ZNF395: variants seen among roughly 807,000 people sequenced by gnomAD.
ZNF395 encodes HD gene regulatory region-binding protein 2.
Under a neutral mutation model 57.7 loss-of-function variants are expected in ZNF395, and 20 were observed. That is an observed-to-expected ratio of 0.35 (90% CI 0.24 to 0.50). ZNF395 has a LOEUF of 0.50. Ranked by LOEUF, ZNF395 falls within the 20% of genes least tolerant of loss-of-function variation. The pLI is 0.97. For missense variants in ZNF395, 606 were observed against 671.2 expected, an observed-to-expected ratio of 0.90 and a Z score of 1.07; for synonymous variants, 295 against 275.9, an observed-to-expected ratio of 1.07 and a Z score of -0.69.
intron 7 of ZNF395, among the ~76,000 whole-genome samples, chr8:28,351,221 G>A (rs1801678087): frequency 3.9e-5 from 6 of 152,218 alleles, no homozygotes; most frequent in Admixed American, 3.9e-4. Flanking sequence ...AAGCAGAGGT[G>A]TGACAATTCC....
chr8:28,368,383 A>C (rs1264500104), intron 1 of ZNF395: 2 of 152,242 alleles, frequency 1.3e-5, no homozygotes, highest in Non-Finnish European at 2.9e-5. Flanking sequence ...CCAGCAACTC[A>C]ATAAAATATG....
Position 28,348,679 on chromosome 8 carries a change from G to A in ZNF395, c.*40C>T, listed in dbSNP as rs1801638211. On this transcript the variant is annotated 3_prime_UTR_variant, in exon 10 of 10. Coordinates refer to ENST00000344423, the MANE Select transcript of ZNF395 (RefSeq NM_018660.3). ...ACACACTGGCCTCTTGTCAGTGGCT[G>A]CCGGCAGGGCCAGGAACAGAGTAGA... The A allele has an allele frequency of 1.3e-6, 2 of 1,579,900 alleles. No individual in the cohort carries two copies. Among genetic ancestry groups the A allele is most frequent in the Admixed American group, 1.7e-5 (1 of 59,916 alleles).
intron 1 of ZNF395, among the ~76,000 whole-genome samples, chr8:28,363,256 C>G (rs1199394363): frequency 1.3e-5 from 2 of 152,014 alleles, no homozygotes; most frequent in Non-Finnish European, 2.9e-5. Flanking sequence ...CTCAGCCTCC[C>G]AAGTAGCTGG....
chr8:28,362,022 C>T (rs1252793168), intron 1 of ZNF395, among the ~76,000 whole-genome samples: 2 of 150,432 alleles, frequency 1.3e-5, no homozygotes, highest in African/African-American at 2.5e-5. Flanking sequence ...ACCCAGGAGG[C>T]GGGAGGCTGC....
intron 1 of ZNF395, among the ~76,000 whole-genome samples, chr8:28,376,761 G>C (rs898318069): frequency 2.0e-5 from 3 of 152,114 alleles, no homozygotes; most frequent in Non-Finnish European, 4.4e-5. Context: ...AGAGACAAAG[G>C]AGACTAAGGC....
intron 1 of ZNF395, among the ~76,000 whole-genome samples, chr8:28,365,969 G>GCA (rs142783327): frequency 6.6e-6 from 1 of 152,142 alleles, no homozygotes; most frequent in African/African-American, 2.4e-5. Context: ...TTGTGTGCGT[G>GCA]CACACACACA....
chr8:28,352,124 T>C lies in ZNF395; in HGVS notation c.921-317A>G, dbSNP rs1250414413. Among the ~76,000 whole-genome samples the C allele has an allele frequency of 1.3e-5, 2 of 152,160 alleles. No homozygotes were observed. The highest frequency in any genetic ancestry group is 2.9e-5 in the Non-Finnish European group (2 of 67,998). The stretch of plus-strand genomic sequence containing the variant: ...GGCCCCACCTGCCTGCAGTCACGCT[T>C]TCTCCCCCAGGGCCATGAGTCAGCT... On this transcript the variant is annotated intron_variant, in intron 6 of 9. Transcript: ENST00000344423. This position sits in a 1 kb window ranked among gnomAD's most constrained non-coding sequence, Gnocchi z 4.0.
rs148606352 is a variant in ZNF395, at chr8:28,353,399, G to A, written c.593C>T (p.Ala198Val). ...GTEANFSASR[A>V]ACDPWKESGD... ...ACTCTCCTTCCATGGGTCGCAGGCC[G>A]CACGGGAAGCTGGCCAGATGAAGAA... The change falls in exon 5 of 10, where the codon GCG (alanine) becomes GTG (valine). Residue 198 changes from alanine to valine, a missense_variant. This residue lies in a region of ZNF395 where 309 missense variants were observed against 374.7 expected (regional missense o/e 0.82). Transcript: ENST00000344423. The A allele has an allele frequency of 7.8e-4, 1,194 of 1,532,588 alleles. 3 individuals carry two copies. Among genetic ancestry groups the A allele is most frequent in the Middle Eastern group, 3.9e-3 (22 of 5,650 alleles). 94.9% of individuals were successfully genotyped at this position (1,532,588 alleles called of 1,614,324 possible).
chr8:28,349,509 C>G (rs1801651822), intron 8 of ZNF395, among the ~76,000 whole-genome samples: 1 of 152,194 alleles, frequency 6.6e-6, no homozygotes, highest in Non-Finnish European at 1.5e-5. Context: ...AGCCGCTATG[C>G]CTGGAAGCCT....
At chr8:28,355,041 A>G (rs185284754) in intron 4 of ZNF395, among the ~76,000 whole-genome samples, 118 of 152,270 alleles carry the variant, frequency 7.7e-4, no homozygotes, top group African/African-American at 2.8e-3. Context: ...AACGTTATCT[A>G]TAAGTTATAA....
Position 28,360,881 on chromosome 8 carries a change from C to G in ZNF395, c.240+4G>C, listed in dbSNP as rs754715248. 18 of 1,613,272 alleles carry G rather than the reference C, an allele frequency of 1.1e-5. No individual in the cohort carries two copies. The highest frequency in any genetic ancestry group is 1.7e-5 in the Admixed American group (1 of 59,940). On this transcript the variant is annotated splice_donor_region_variant and intron_variant, in intron 2 of 9. Transcript: ENST00000344423. ...GACACCTGTCCATGTTGGGATCAAC[C>G]TACCTTCTGCCCAGGCTGAAAGGCC...
intron 4 of ZNF395, among the ~76,000 whole-genome samples, chr8:28,353,807 G>A (rs1289440495): frequency 1.3e-5 from 2 of 152,106 alleles, no homozygotes; most frequent in African/African-American, 2.4e-5. Flanking sequence ...TGGGGAGGGG[G>A]AAGGGCAAAG....
chr8:28,350,203 T>C (rs1448728544), intron 7 of ZNF395, 47 bp from the exon 8 acceptor site: 2 of 1,511,788 alleles, frequency 1.3e-6, no homozygotes, highest in African/African-American at 2.7e-5. Context: ...CAGGAAGTGT[T>C]CAGAGTCTGC....
rs768191349 is a variant in ZNF395, at chr8:28,353,291, T to TG, written c.700dup (p.His234ProfsTer19). ...CAAATACTTGGGGCTGGCCTGGGGG[T>TG]GGGGGGGCGAGGGGGTGGAGACACC... On this transcript the variant is annotated frameshift_variant, in exon 5 of 10. Coordinates refer to ENST00000344423, the MANE Select transcript of ZNF395 (RefSeq NM_018660.3). LOFTEE classifies it high-confidence loss of function. The TG allele has an allele frequency of 2.5e-5, 11 of 445,840 alleles. No homozygotes were observed. Among genetic ancestry groups the TG allele is most frequent in the Admixed American group, 3.9e-5 (1 of 25,966 alleles). The allele number at this position is 445,840 out of a possible 1,614,324, so 27.6% of individuals were successfully genotyped here.
At chr8:28,364,251 T>C (rs1021611401) in intron 1 of ZNF395, among the ~76,000 whole-genome samples, 1 of 152,214 alleles carries the variant, frequency 6.6e-6, no homozygotes, top group Non-Finnish European at 1.5e-5. Flanking sequence ...GTCACAATCC[T>C]GCCATGATTC....
At chr8:28,358,657 A>C (rs987638609) in intron 3 of ZNF395, among the ~76,000 whole-genome samples, 5 of 152,144 alleles carry the variant, frequency 3.3e-5, no homozygotes, top group African/African-American at 1.2e-4. Context: ...GGCTGGTCTC[A>C]AACTCCCAGC....
At chr8:28,373,315 T>C (rs555544521) in intron 1 of ZNF395, among the ~76,000 whole-genome samples, 39 of 152,332 alleles carry the variant, frequency 2.6e-4, no homozygotes, top group African/African-American at 9.4e-4. Context: ...ATGGGTTTGA[T>C]CTGATAGGAT....
rs531971442 is a variant in ZNF395, at chr8:28,378,528, A to T, written c.-59+7865T>A. 7.9e-5 allele frequency among the ~76,000 whole-genome samples: 12 copies of T among 152,314 alleles called. No individual in the cohort carries two copies. In the South Asian group the frequency reaches 8.3e-4, roughly 11 times the overall value. ...AGTGCTGAGATTACAGGCGTGAGTCAATGCACCTCACCTGTTTTTTGTTTT... is the reference window on the plus strand; with the variant it reads ...AGTGCTGAGATTACAGGCGTGAGTCTATGCACCTCACCTGTTTTTTGTTTT... On this transcript the variant is annotated intron_variant, in intron 1 of 9. Transcript: ENST00000344423.
At chr8:28,366,116 A>G (rs1801907487) in intron 1 of ZNF395, among the ~76,000 whole-genome samples, 1 of 152,216 alleles carries the variant, frequency 6.6e-6, no homozygotes. Flanking sequence ...TAACTTAAGA[A>G]GGGTGAAGTT....
Sources: allele counts gnomAD v4.1 joint callset (sites outside exome capture counted in the v4.1 genomes callset), GRCh38; gene constraint gnomAD v4.1.1; regional missense constraint gnomAD v4.1.1; non-coding constraint Gnocchi (gnomAD v3.1); transcripts MANE v1.5; gene names NCBI Gene and HGNC (gene_info 2026-07-23, HGNC 2026-07-21).